The following TNIK variants were observed in gnomAD, a reference collection of about 807,000 sequenced individuals.
TNIK encodes the protein TRAF2 and NCK interacting kinase, also known as TRAF2 and NCK-interacting protein kinase.
Under a neutral mutation model 191.3 loss-of-function variants are expected in TNIK, and 49 were observed. The ratio of observed to expected loss-of-function variants is 0.26; its 90% CI spans 0.20 to 0.32. TNIK has a LOEUF of 0.32. Among genes scored for constraint, TNIK ranks in the 10% least tolerant of loss-of-function variants. The probability of loss-of-function intolerance (pLI) is 1.00; values close to 1 mark genes in which losing one functional copy is unlikely to be tolerated. For missense variants in TNIK, 1,155 were observed against 1,702.3 expected, an observed-to-expected ratio of 0.68 and a Z score of 5.66; for synonymous variants, 594 against 600.9, an observed-to-expected ratio of 0.99 and a Z score of 0.17.
At chr3:171,410,778 C>CAAAAA (rs55965220) in intron 1 of TNIK, among the ~76,000 whole-genome samples, 6 of 73,922 alleles carry the variant, frequency 8.1e-5, no homozygotes, top group East Asian at 8.1e-4. Flanking sequence ...GACTCCATCT[C>CAAAAA]AAAAAAAAAA....
At chr3:171,348,719 A>G (rs12630396) in intron 2 of TNIK, among the ~76,000 whole-genome samples, 3,501 of 152,220 alleles carry the variant, frequency 0.023, 169 homozygotes, top group East Asian at 0.23. Flanking sequence ...TACAACAGTC[A>G]TACTACAGCA....
intron 2 of TNIK, among the ~76,000 whole-genome samples, chr3:171,259,134 GTGTA>G (rs1179859909): frequency 3.3e-5 from 5 of 152,156 alleles, no homozygotes; most frequent in African/African-American, 4.8e-5. Flanking sequence ...GAGAGAGAGA[GTGTA>G]TGTGTGTGTG....
intron 2 of TNIK, chr3:171,347,054 C>T (rs1484995487): frequency 4.4e-6 from 6 of 1,350,760 alleles, no homozygotes; most frequent in Non-Finnish European, 5.0e-6. Flanking sequence ...AATGCCTGTG[C>T]TAGGACAGTG....
intron 2 of TNIK, among the ~76,000 whole-genome samples, chr3:171,261,873 G>A (rs1747668780): frequency 2.0e-5 from 3 of 152,198 alleles, no homozygotes; most frequent in Admixed American, 6.5e-5. Context: ...TTTGCCGGGA[G>A]GAGACACAAA....
chr3:171,390,733 G>A (rs1719387718), intron 1 of TNIK, among the ~76,000 whole-genome samples: 1 of 152,244 alleles, frequency 6.6e-6, no homozygotes, highest in South Asian at 2.1e-4. Context: ...CTGACTGGCA[G>A]AGAGGGTGCA....
chr3:171,371,528 G>C (rs1398743993), intron 1 of TNIK, among the ~76,000 whole-genome samples: 1 of 152,176 alleles, frequency 6.6e-6, no homozygotes, highest in African/African-American at 2.4e-5. Context: ...GAAAAATCCA[G>C]AAGTCCAGAA....
chr3:171,213,463 C>A (rs149403803), intron 3 of TNIK, among the ~76,000 whole-genome samples: 1 of 151,976 alleles, frequency 6.6e-6, no homozygotes, highest in Admixed American at 6.6e-5. Flanking sequence ...GCTGCTTCTA[C>A]AAGTATTTAC....
rs1204217094 is a variant in TNIK at position 171,059,529 on chromosome 3, G to C, written c.*4352C>G. The stretch of plus-strand genomic sequence containing the variant: ...AAAACAACCTAGAAAATGTTTGGTA[G>C]GAATATACAAATTGTCAGTTTTGAA... On this transcript the variant is annotated 3_prime_UTR_variant, in exon 33 of 33. Transcript: ENST00000436636. 6.6e-6 allele frequency among the ~76,000 whole-genome samples: 1 copy of C among 152,102 alleles called. No homozygotes were observed. Among genetic ancestry groups the C allele is most frequent in the Admixed American group, 6.6e-5 (1 of 15,266 alleles).
intron 18 of TNIK, among the ~76,000 whole-genome samples, chr3:171,118,948 T>C (rs1481527741): frequency 1.3e-5 from 2 of 152,132 alleles, no homozygotes; most frequent in African/African-American, 4.8e-5. Flanking sequence ...TGGGATCTAA[T>C]TAAACTAAAG....
At chr3:171,362,068 C>T (rs1164803763) in intron 2 of TNIK, among the ~76,000 whole-genome samples, 1 of 152,134 alleles carries the variant, frequency 6.6e-6, no homozygotes, top group Non-Finnish European at 1.5e-5. Flanking sequence ...CCTTATGCTA[C>T]CTGAAGAAGA....
At chr3:171,438,830 G>A (rs1337922326) in intron 1 of TNIK, among the ~76,000 whole-genome samples, 1 of 152,114 alleles carries the variant, frequency 6.6e-6, no homozygotes, top group African/African-American at 2.4e-5. Flanking sequence ...ACCACTTGTG[G>A]TGGGATCAGA....
At chr3:171,427,211 C>T (rs976111051) in intron 1 of TNIK, among the ~76,000 whole-genome samples, 2 of 152,118 alleles carry the variant, frequency 1.3e-5, no homozygotes. Flanking sequence ...TCCTGAAATC[C>T]CCAGTCAGCT....
chr3:171,110,359 G>A lies in TNIK; in HGVS notation c.2284+355C>T, dbSNP rs76693566. Among the ~76,000 whole-genome samples, 543 of 152,280 alleles carry A rather than the reference G, an allele frequency of 3.6e-3. 2 individuals are homozygous for A. Among genetic ancestry groups the A allele is most frequent in the African/African-American group, 0.012 (493 of 41,550 alleles). ...CTAAACAGGACAATTGGTGCAATGCGTTCAGGACATTTGTGGGTACATGAA... is the reference window on the plus strand; with the variant it reads ...CTAAACAGGACAATTGGTGCAATGCATTCAGGACATTTGTGGGTACATGAA... On this transcript the variant is annotated intron_variant, in intron 19 of 32. Coordinates refer to ENST00000436636, the MANE Select transcript of TNIK (RefSeq NM_015028.4).
chr3:171,071,519 A>G (rs1031762316), intron 28 of TNIK, 196 bp from the exon 29 acceptor site: 3 of 545,794 alleles, frequency 5.5e-6, no homozygotes, highest in African/African-American at 1.9e-5. Flanking sequence ...TTTGGTTGGC[A>G]GAATACTTAT....
chr3:171,245,542 C>T (rs148632521), intron 2 of TNIK, among the ~76,000 whole-genome samples: 1 of 148,830 alleles, frequency 6.7e-6, no homozygotes, highest in Admixed American at 6.7e-5. Context: ...AAGGTTGGGA[C>T]ATCTTTTTAA....
At chr3:171,152,814 C>T (rs886317948) in intron 12 of TNIK, among the ~76,000 whole-genome samples, 1 of 151,328 alleles carries the variant, frequency 6.6e-6, no homozygotes, top group Non-Finnish European at 1.5e-5. Flanking sequence ...CTCTGTTGCC[C>T]AGGCTGGAGT....
At chr3:171,317,657 G>C (rs1754783299) in intron 2 of TNIK, among the ~76,000 whole-genome samples, 1 of 152,156 alleles carries the variant, frequency 6.6e-6, no homozygotes, top group South Asian at 2.1e-4. Context: ...GGGAAAGAAA[G>C]CTCTTTTCAC....
chr3:171,280,577 G>A (rs750271060), intron 2 of TNIK, among the ~76,000 whole-genome samples: 2 of 151,626 alleles, frequency 1.3e-5, no homozygotes, highest in Non-Finnish European at 2.9e-5. Context: ...TCAAATCTTG[G>A]TTCCTTTTGT....
chr3:171,168,865 G>T (rs1287777566), intron 9 of TNIK, among the ~76,000 whole-genome samples: 2 of 152,196 alleles, frequency 1.3e-5, no homozygotes. Context: ...TGGTGCATGA[G>T]TGAATGCGTG....
Sources: gnomAD v4.1 joint callset for allele counts (sites outside exome capture counted in the v4.1 genomes callset) on GRCh38, gnomAD v4.1.1 for gene constraint, MANE v1.5 for transcripts, NCBI Gene and HGNC (gene_info 2026-07-23, HGNC 2026-07-21) for gene names.